Variants in ANKRD44 observed in about 807,000 individuals in gnomAD.
The protein encoded by ANKRD44 is serine/threonine-protein phosphatase 6 regulatory ankyrin repeat subunit B.
In ANKRD44, 35 loss-of-function variants were observed where a neutral mutation model predicts 116.0. That is an observed-to-expected ratio of 0.30 (90% CI 0.23 to 0.40). The LOEUF is 0.40. Ranked by LOEUF, ANKRD44 falls within the 10% of genes least tolerant of loss-of-function variation. The probability of loss-of-function intolerance (pLI) is 1.00; values close to 1 mark genes in which losing one functional copy is unlikely to be tolerated. For missense variants in ANKRD44, 1,014 were observed against 1,242.6 expected, an observed-to-expected ratio of 0.82 and a Z score of 2.77; for synonymous variants, 435 against 461.8, an observed-to-expected ratio of 0.94 and a Z score of 0.74.
Position 196,989,222 on chromosome 2 carries a change from CAA to C in ANKRD44, c.*367_*368del, listed in dbSNP as rs1380191665. 1 of 969,992 alleles carries C rather than the reference CAA, an allele frequency of 1.0e-6. No homozygotes were observed. Among genetic ancestry groups the C allele is most frequent in the Non-Finnish European group, 1.2e-6 (1 of 824,494 alleles). 60.1% of individuals were successfully genotyped at this position (969,992 alleles called of 1,614,324 possible). ...TGTTTCCTCACCATTTGTTTCATTT[CAA>C]ATAAATATAAACACATTTACAGCAA... On this transcript the variant is annotated 3_prime_UTR_variant, in exon 28 of 28. Transcript: ENST00000282272.
chr2:197,013,012 G>A (rs899223952), intron 18 of ANKRD44, among the ~76,000 whole-genome samples: 14 of 152,124 alleles, frequency 9.2e-5, no homozygotes, highest in Non-Finnish European at 1.6e-4. Context: ...CTTTTAAAGC[G>A]TCTTGATTTT....
chr2:197,276,691 TTG>T (rs1420834465), intron 1 of ANKRD44, among the ~76,000 whole-genome samples: 1 of 152,212 alleles, frequency 6.6e-6, no homozygotes, highest in Non-Finnish European at 1.5e-5. Flanking sequence ...TTTTTAAATA[TTG>T]TGTGTGAGTT....
At chr2:197,250,677 G>T (rs1559185970) in intron 1 of ANKRD44, among the ~76,000 whole-genome samples, 1 of 152,190 alleles carries the variant, frequency 6.6e-6, no homozygotes, top group Non-Finnish European at 1.5e-5. Context: ...ACTAGCTAGA[G>T]GCCATTATTA....
rs150630541 is a variant in ANKRD44, at chr2:196,970,422, G to A, written c.2369-2976C>T. Among the ~76,000 whole-genome samples, 524 of 152,272 alleles carry A rather than the reference G, an allele frequency of 3.4e-3. 1 individual carries two copies. Among genetic ancestry groups the A allele is most frequent in the African/African-American group, 0.012 (478 of 41,544 alleles). On this transcript the variant is annotated intron_variant, in intron 21 of 21. Coordinates refer to the ANKRD44 transcript ENST00000424317. ...TTGAAGGAAGCTTTAAGCTGTTTGA[G>A]TTCAGTTCCTTTTACTCTTCCTAAA...
intron 1 of ANKRD44, among the ~76,000 whole-genome samples, chr2:197,290,911 T>A (rs1172839135): frequency 6.6e-6 from 1 of 152,122 alleles, no homozygotes; most frequent in Admixed American, 6.6e-5. Context: ...AGTTTTTTTT[T>A]AATGTAGTAC....
chr2:197,264,643 C>A (rs548162245), intron 1 of ANKRD44, among the ~76,000 whole-genome samples: 1 of 152,306 alleles, frequency 6.6e-6, no homozygotes, highest in South Asian at 2.1e-4. Context: ...GGCTCTAGCA[C>A]CCATCCAGTA....
chr2:197,305,649 C>T (rs1360607444), intron 1 of ANKRD44, among the ~76,000 whole-genome samples: 1 of 152,016 alleles, frequency 6.6e-6, no homozygotes, highest in South Asian at 2.1e-4. Flanking sequence ...AAGTTAGTTC[C>T]ATTAATCCAG....
intron 16 of ANKRD44, among the ~76,000 whole-genome samples, chr2:197,071,487 G>C (rs1476550747): frequency 3.3e-5 from 5 of 152,084 alleles, no homozygotes; most frequent in Non-Finnish European, 5.9e-5. Flanking sequence ...TAATTTCCTA[G>C]TGTTGGAGAT....
intron 16 of ANKRD44, among the ~76,000 whole-genome samples, chr2:197,027,989 G>T (rs1010507804): frequency 6.6e-6 from 1 of 152,106 alleles, no homozygotes; most frequent in Admixed American, 6.6e-5. Context: ...ACCGTGCCCA[G>T]CCAGGTCTGA....
intron 1 of ANKRD44, among the ~76,000 whole-genome samples, chr2:197,191,489 C>T (rs963529437): frequency 6.6e-6 from 1 of 152,170 alleles, no homozygotes; most frequent in African/African-American, 2.4e-5. Flanking sequence ...CATCCCCTAT[C>T]GGCACATCCA....
intron 2 of ANKRD44, among the ~76,000 whole-genome samples, chr2:197,176,204 G>C (rs112042160): frequency 6.6e-6 from 1 of 152,280 alleles, no homozygotes; most frequent in African/African-American, 2.4e-5. Flanking sequence ...CCTATCTCTG[G>C]ACTTGCACAT....
chr2:197,157,399 G>A (rs1296382564), intron 2 of ANKRD44, among the ~76,000 whole-genome samples: 1 of 152,182 alleles, frequency 6.6e-6, no homozygotes, highest in Non-Finnish European at 1.5e-5. Flanking sequence ...AACCAGCCAG[G>A]CGCAGTGGCT....
intron 1 of ANKRD44, among the ~76,000 whole-genome samples, chr2:197,272,765 C>A (rs1010282498): frequency 1.3e-5 from 2 of 152,044 alleles, no homozygotes; most frequent in Non-Finnish European, 2.9e-5. Flanking sequence ...GGAATTGGAC[C>A]CTCACCAGAC....
At chr2:197,048,410 A>G (rs377480856) in intron 16 of ANKRD44, among the ~76,000 whole-genome samples, 1 of 152,038 alleles carries the variant, frequency 6.6e-6, no homozygotes, top group Non-Finnish European at 1.5e-5. Flanking sequence ...TCATTGTTCA[A>G]TTCCCACCTA....
intron 1 of ANKRD44, among the ~76,000 whole-genome samples, chr2:197,298,562 G>T (rs1047342534): frequency 6.6e-6 from 1 of 152,172 alleles, no homozygotes; most frequent in African/African-American, 2.4e-5. Context: ...CACAAAGGTG[G>T]CAGGAAGAAG....
chr2:197,252,052 T>A (rs1439191468), intron 1 of ANKRD44, among the ~76,000 whole-genome samples: 1 of 152,228 alleles, frequency 6.6e-6, no homozygotes, highest in Non-Finnish European at 1.5e-5. Flanking sequence ...ATAAAATATC[T>A]TTTGTGTCTT....
intron 2 of ANKRD44, among the ~76,000 whole-genome samples, chr2:197,173,923 C>T (rs2080300640): frequency 6.6e-6 from 1 of 152,148 alleles, no homozygotes; most frequent in South Asian, 2.1e-4. Context: ...ATCTCAGCTA[C>T]TCGGGAGGCT....
intron 9 of ANKRD44, among the ~76,000 whole-genome samples, chr2:197,105,263 G>T (rs2125249118): frequency 6.6e-6 from 1 of 152,170 alleles, no homozygotes; most frequent in East Asian, 1.9e-4. Context: ...ATAAGCACAT[G>T]CCATCATGCT....
intron 1 of ANKRD44, among the ~76,000 whole-genome samples, chr2:197,236,391 C>T (rs1000462607): frequency 9.9e-5 from 15 of 152,098 alleles, no homozygotes; most frequent in African/African-American, 3.6e-4. Context: ...GTGTCCTGAA[C>T]CCCAATTAGC....
Sources: gnomAD v4.1 joint callset for allele counts (sites outside exome capture counted in the v4.1 genomes callset) on GRCh38, gnomAD v4.1.1 for gene constraint, MANE v1.5 for transcripts, NCBI Gene and HGNC (gene_info 2026-07-23, HGNC 2026-07-21) for gene names.